Variants in ENOX1 observed in about 807,000 individuals in gnomAD.
The protein encoded by ENOX1 is ecto-NOX disulfide-thiol exchanger 1.
A neutral mutation model predicts 82.5 loss-of-function variants in ENOX1; 42 were observed. That is an observed-to-expected ratio of 0.51 (90% CI 0.40 to 0.66). The LOEUF is 0.66. Among genes scored for constraint, ENOX1 ranks in the 30% least tolerant of loss-of-function variants. ENOX1 has a pLI of 0.00. For synonymous variants in ENOX1, 271 were observed against 282.2 expected (o/e 0.96, Z 0.40); for missense variants, 608 against 811.6 (o/e 0.75, Z 3.05).
At chr13:43,753,066 G>T (rs1038567039) in intron 1 of ENOX1, among the ~76,000 whole-genome samples, 5 of 151,986 alleles carry the variant, frequency 3.3e-5, no homozygotes, top group African/African-American at 1.2e-4. Flanking sequence ...CACCATGTTG[G>T]CCAGGCTGGT....
chr13:43,616,130 C>CTATATAGATAGATATCTATATATAGA (rs1566640959), intron 2 of ENOX1, among the ~76,000 whole-genome samples: 3 of 45,688 alleles, frequency 6.6e-5, no homozygotes, highest in Admixed American at 2.1e-4. Flanking sequence ...CTATAGATAT[C>CTATATAGATAGATATCTATATATAGA]TATCTATCTA....
At chr13:43,729,254 T>A (rs982468854) in intron 1 of ENOX1, among the ~76,000 whole-genome samples, 2 of 152,198 alleles carry the variant, frequency 1.3e-5, no homozygotes, top group Non-Finnish European at 2.9e-5. Context: ...TAAATAAGTA[T>A]CTATTTAACT....
chr13:43,686,682 A>AT (rs1366293879), intron 1 of ENOX1, among the ~76,000 whole-genome samples: 3 of 152,184 alleles, frequency 2.0e-5, no homozygotes, highest in African/African-American at 7.2e-5. Flanking sequence ...CCATTTGGCT[A>AT]TTTCAAGTAG....
At chr13:43,366,104 T>A (rs2050830452) in intron 5 of ENOX1, among the ~76,000 whole-genome samples, 1 of 152,390 alleles carries the variant, frequency 6.6e-6, no homozygotes, top group East Asian at 1.9e-4. Flanking sequence ...CTTGTTGTTC[T>A]ATAATGTCAT....
chr13:43,508,825 T>G (rs554895125), intron 2 of ENOX1, among the ~76,000 whole-genome samples: 1 of 151,920 alleles, frequency 6.6e-6, no homozygotes, highest in African/African-American at 2.4e-5. Flanking sequence ...CTAAAAAAAA[T>G]TATTAGTTTT....
chr13:43,323,131 A>G (rs1041018401), intron 10 of ENOX1, among the ~76,000 whole-genome samples: 3 of 152,222 alleles, frequency 2.0e-5, no homozygotes, highest in Admixed American at 6.5e-5. Context: ...GTATGTGCCC[A>G]TGTGTGATCA....
At chr13:43,309,438 G>A (rs2047061086) in intron 11 of ENOX1, among the ~76,000 whole-genome samples, 2 of 152,126 alleles carry the variant, frequency 1.3e-5, no homozygotes, top group African/African-American at 4.8e-5. Context: ...CCACCCAGAT[G>A]AGCCTCTCTT....
chr13:43,407,771 A>G (rs1165698603), intron 5 of ENOX1, among the ~76,000 whole-genome samples: 1 of 152,124 alleles, frequency 6.6e-6, no homozygotes, highest in African/African-American at 2.4e-5. Context: ...CCTCCACTCT[A>G]CCTTACAACA....
At chr13:43,716,464 C>T (rs192998429) in intron 1 of ENOX1, among the ~76,000 whole-genome samples, 52 of 152,224 alleles carry the variant, frequency 3.4e-4, no homozygotes, top group African/African-American at 6.7e-4. Flanking sequence ...TGGCCATCTT[C>T]GCTCCGCCAA....
In ENOX1 at chr13:43,296,299, G is replaced by A. The variant is rs148293772; in HGVS notation, c.1446+2047C>T. On this transcript the variant is annotated intron_variant, in intron 12 of 16. Coordinates refer to ENST00000690772, the MANE Select transcript of ENOX1 (RefSeq NM_001347969.2). ...GGACCCCTAATCCTACATGAACAGT[G>A]TATTTATAAAAAGCAGAAATTTGGA... Among the ~76,000 whole-genome samples the A allele has an allele frequency of 2.0e-3, 309 of 152,264 alleles. 3 individuals are homozygous for A. The highest frequency in any genetic ancestry group is 0.016 in the Admixed American group (239 of 15,304).
chr13:43,415,232 G>GTTTTTTTTTTTTTTT (rs71202260), intron 3 of ENOX1, among the ~76,000 whole-genome samples: 2 of 54,634 alleles, frequency 3.7e-5, no homozygotes, highest in Non-Finnish European at 6.2e-5. Context: ...CCAATCCAAT[G>GTTTTTTTTTTTTTTT]TTTTTTTTTT....
chr13:43,327,295 C>T (rs973546320), intron 9 of ENOX1, among the ~76,000 whole-genome samples: 3 of 152,182 alleles, frequency 2.0e-5, no homozygotes, highest in Admixed American at 6.5e-5. Flanking sequence ...CAAGGCTCCC[C>T]GCCCTCTGGC....
At chr13:43,752,600 G>C (rs1416058126) in intron 1 of ENOX1, among the ~76,000 whole-genome samples, 1 of 152,062 alleles carries the variant, frequency 6.6e-6, no homozygotes, top group African/African-American at 2.4e-5. Flanking sequence ...TGGATATCTT[G>C]TTTTGACACT....
intron 2 of ENOX1, among the ~76,000 whole-genome samples, chr13:43,607,491 G>A (rs2082027183): frequency 6.6e-6 from 1 of 152,070 alleles, no homozygotes; most frequent in South Asian, 2.1e-4. Flanking sequence ...ACATTCATGG[G>A]AGCAAAGCTA....
At chr13:43,343,566 G>A (rs2049190462) in intron 9 of ENOX1, among the ~76,000 whole-genome samples, 1 of 152,176 alleles carries the variant, frequency 6.6e-6, no homozygotes, top group Admixed American at 6.5e-5. Flanking sequence ...TAAGATCTCA[G>A]TTTTGCCCTC....
At chr13:43,478,953 A>T (rs1206828074) in intron 3 of ENOX1, among the ~76,000 whole-genome samples, 1 of 152,140 alleles carries the variant, frequency 6.6e-6, no homozygotes, top group East Asian at 1.9e-4. Flanking sequence ...TCGGGGGAGA[A>T]ATTCCCCAAG....
intron 8 of ENOX1, among the ~76,000 whole-genome samples, chr13:43,351,577 TC>T (rs923948657): frequency 1.4e-5 from 1 of 73,104 alleles, no homozygotes; most frequent in East Asian, 4.7e-4. Context: ...CCCTCCCCCC[TC>T]CCCCCACCCC....
intron 1 of ENOX1, among the ~76,000 whole-genome samples, chr13:43,709,635 T>G (rs1366599997): frequency 1.3e-5 from 2 of 151,846 alleles, no homozygotes; most frequent in Admixed American, 6.6e-5. Flanking sequence ...GAAGGAAGAT[T>G]AACAAGCTAG....
At chr13:43,433,881 G>A (rs2055838856) in intron 3 of ENOX1, among the ~76,000 whole-genome samples, 2 of 152,220 alleles carry the variant, frequency 1.3e-5, no homozygotes, top group South Asian at 4.1e-4. Flanking sequence ...TAAGCTCAGA[G>A]GAATGTGCTG....
Sources: gnomAD v4.1 joint callset for allele counts (sites outside exome capture counted in the v4.1 genomes callset) on GRCh38, gnomAD v4.1.1 for gene constraint, MANE v1.5 for transcripts, NCBI Gene and HGNC (gene_info 2026-07-23, HGNC 2026-07-21) for gene names.